The following FAM186B variants were observed in gnomAD, a reference collection of about 807,000 sequenced individuals.
FAM186B encodes the protein protein FAM186B.
A neutral mutation model predicts 83.4 loss-of-function variants in FAM186B; 68 were observed. The observed-to-expected ratio is 0.81, with a 90% CI of 0.67 to 1.00. The LOEUF is 1.00. Ranked by LOEUF, FAM186B falls within the 50% of genes least tolerant of loss-of-function variation. The pLI is 0.00. For synonymous variants in FAM186B, 389 were observed against 422.0 expected (o/e 0.92, Z 0.96); for missense variants, 983 against 1,099.2 (o/e 0.89, Z 1.49).
intron 1 of FAM186B, 102 bp downstream of exon 1, chr12:49,605,280 C>T (rs1939987987): frequency 1.3e-6 from 2 of 1,545,212 alleles, no homozygotes; most frequent in African/African-American, 2.7e-5. Flanking sequence ...ATCCCAGGGC[C>T]TCTGAGGACC....
At chr12:49,588,646 A>C in intron 5 of FAM186B, 23 bp from the exon 6 acceptor site, 1 of 1,544,556 alleles carries the variant, frequency 6.5e-7, no homozygotes, top group East Asian at 2.3e-5. Flanking sequence ...GCAGAGAGGC[A>C]TCAGGGAAAC....
Position 49,601,029 on chromosome 12 carries a change from G to A in FAM186B, c.611C>T (p.Thr204Ile), listed in dbSNP as rs1196633242. 1.5e-5 allele frequency: 25 copies of A among 1,614,178 alleles called. No individual in the cohort carries two copies. The highest frequency in any genetic ancestry group is 2.0e-5 in the Non-Finnish European group (24 of 1,180,018). ...SPEQMLQDQH[T>I]MNTKASEVTS... ...CACCTCCGAGGCCTTCGTGTTCATG[G>A]TATGCTGGTCCTGGAGCATCTGTTC... Residue 204 changes from threonine to isoleucine, a missense_variant, in exon 4 of 7, where the codon ACC becomes ATC. Coordinates refer to ENST00000257894, the MANE Select transcript of FAM186B (RefSeq NM_032130.3).
At position 49,600,621 on chromosome 12, in the gene FAM186B, C is replaced by G. The variant is rs766072745; in HGVS notation, c.1019G>C (p.Gly340Ala). The G allele has an allele frequency of 6.2e-7, 1 of 1,613,202 alleles. No homozygotes were observed. The highest frequency in any genetic ancestry group is 1.3e-5 in the African/African-American group (1 of 75,036). The change falls in exon 4 of 7, where the codon GGT becomes GCT. Residue 340 changes from glycine to alanine, a missense_variant. Coordinates refer to ENST00000257894, the MANE Select transcript of FAM186B (RefSeq NM_032130.3). This position sits in a 1 kb window ranked among gnomAD's most constrained non-coding sequence, Gnocchi z 4.3. ...DLAEVSVDSP[G>A]PSERETLPRK... ...TGGGAGGGTCTCTCTCTCAGAGGGA[C>G]CTGGGGAGTCAACAGAAACCTCAGC...
chr12:49,620,063 CTTCT>C, the FAM186B span, among the ~76,000 whole-genome samples: 1 of 152,074 alleles, frequency 6.6e-6, no homozygotes, highest in African/African-American at 2.4e-5. Context: ...GAATACTGGC[CTTCT>C]TTCTTGCAGG....
chr12:49,600,513 A>G lies in FAM186B; in HGVS notation c.1127T>C (p.Met376Thr), dbSNP rs1939859587. The G allele has an allele frequency of 6.2e-7, 1 of 1,613,954 alleles. No homozygotes were observed. The highest frequency in any genetic ancestry group is 1.3e-5 in the African/African-American group (1 of 75,026). Residue 376 changes from methionine (M) to threonine (T), a missense_variant, in exon 4 of 7, where the codon ATG (methionine) becomes ACG (threonine). Physicochemically the swap from Met to Thr is moderately conservative, Grantham distance 81 (BLOSUM62 -1). Transcript: ENST00000257894. The surrounding 1 kb of genome is among the most constrained non-coding windows in gnomAD (Gnocchi z 4.3). ...AGCACCACTGTCCCGTATCATGGCC[A>G]TGGGACTTGGGGGAAGTGGCGAGAA... ...QLFSPLPPSP[M>T]AMIRDSGAIA...
chr12:49,605,974 G>T (rs1307698855), upstream of FAM186B, among the ~76,000 whole-genome samples: 1 of 151,560 alleles, frequency 6.6e-6, no homozygotes, highest in Non-Finnish European at 1.5e-5. Context: ...GTGTTAGCGA[G>T]GATGGTCTCG....
intron 5 of FAM186B, chr12:49,595,617 A>AT: frequency 2.4e-6 from 1 of 413,294 alleles, no homozygotes; most frequent in Non-Finnish European, 4.9e-6. Context: ...TGAGTTTGTG[A>AT]TTACAATTGT....
upstream of FAM186B, among the ~76,000 whole-genome samples, chr12:49,607,499 C>A (rs896572238): frequency 1.3e-5 from 2 of 151,822 alleles, no homozygotes; most frequent in Non-Finnish European, 2.9e-5. Flanking sequence ...TTTGAATATC[C>A]GTAAATCTAC....
upstream of FAM186B, among the ~76,000 whole-genome samples, chr12:49,610,143 A>G (rs1256034090): frequency 3.7e-5 from 5 of 136,242 alleles, no homozygotes; most frequent in Admixed American, 7.2e-5. Context: ...GGGAAGGTGG[A>G]AAAAAAAAAA....
chr12:49,609,353 C>T (rs911381583), upstream of FAM186B, among the ~76,000 whole-genome samples: 2 of 152,190 alleles, frequency 1.3e-5, no homozygotes, highest in African/African-American at 4.8e-5. Flanking sequence ...CTGAGCTGCC[C>T]TATCCTTCCT....
rs375969933 is a variant in FAM186B at position 49,596,203 on chromosome 12, TTC to T, written c.2364+2550_2364+2551del. On this transcript the variant is annotated intron_variant, in intron 5 of 6. Transcript: ENST00000257894. ...CAACCTACAAAGTGTGTCTGTACAT[TTC>T]TTTTTTTTAATAAGCCTTGTTTGCA... Among the ~76,000 whole-genome samples the T allele has an allele frequency of 6.0e-4, 92 of 152,186 alleles. No homozygotes were observed. In the East Asian group the frequency reaches 0.011, roughly 18 times the overall value.
At chr12:49,587,458 A>C, downstream of FAM186B, 2 of 1,126,044 alleles carry the variant, frequency 1.8e-6, no homozygotes, top group Non-Finnish European at 2.6e-6. Context: ...CAAAGGAACC[A>C]GGTTAGCCTC....
At position 49,588,447 on chromosome 12, in the gene FAM186B, A is replaced by G; in HGVS notation, c.2534+7T>C. The G allele has an allele frequency of 6.2e-7, 1 of 1,608,468 alleles. No individual in the cohort carries two copies. Among genetic ancestry groups the G allele is most frequent in the Non-Finnish European group, 8.5e-7 (1 of 1,176,538 alleles). On this transcript the variant is annotated splice_region_variant and intron_variant, in intron 6 of 6. Coordinates refer to ENST00000257894, the MANE Select transcript of FAM186B (RefSeq NM_032130.3). The stretch of plus-strand genomic sequence containing the variant: ...AGCTGCTGCCCCCTCAGCTTCCCAG[A>G]ACCTACCGGGCCATCTGCAGGGGCA...
intron 5 of FAM186B, among the ~76,000 whole-genome samples, chr12:49,593,916 C>T (rs1939648875): frequency 6.6e-6 from 1 of 152,068 alleles, no homozygotes; most frequent in African/African-American, 2.4e-5. Context: ...ACCTATAAAA[C>T]TGAAATAAAT....
chr12:49,584,871 A>G (rs1016140952), downstream of FAM186B, among the ~76,000 whole-genome samples: 4 of 151,134 alleles, frequency 2.6e-5, no homozygotes, highest in Non-Finnish European at 5.9e-5. Context: ...CTTCCCACCC[A>G]TCCATGTTTC....
chr12:49,616,519 T>C, the FAM186B span, among the ~76,000 whole-genome samples: 1 of 152,230 alleles, frequency 6.6e-6, no homozygotes. Context: ...GTCCGTGTGA[T>C]GAAATATACC....
Position 49,600,320 on chromosome 12 carries a change from T to C in FAM186B, c.1320A>G (p.Lys440=). ...GGAAGTAGTCCTCCTGGTCTTTGTC[T>C]TTGTGGCCTAAGCTTTCTGCCACCG... The part of the protein sequence containing the change: ...ERPVAESLGH[K]DKDQEDYFQK... The change falls in exon 4 of 7, where the codon AAA becomes AAG. Residue 440 remains lysine, a synonymous_variant. Coordinates refer to ENST00000257894, the MANE Select transcript of FAM186B (RefSeq NM_032130.3). The surrounding 1 kb of genome is among the most constrained non-coding windows in gnomAD (Gnocchi z 4.3). 1 of 1,614,196 alleles carries C rather than the reference T, an allele frequency of 6.2e-7. No homozygotes were observed. Among genetic ancestry groups the C allele is most frequent in the Non-Finnish European group, 8.5e-7 (1 of 1,180,026 alleles).
intron 3 of FAM186B, 67 bp downstream of exon 3, chr12:49,603,118 G>C: frequency 6.4e-7 from 1 of 1,561,148 alleles, no homozygotes; most frequent in Non-Finnish European, 8.8e-7. Flanking sequence ...CCCAGCCTCT[G>C]ACTTCCCCTG....
the FAM186B span, among the ~76,000 whole-genome samples, chr12:49,611,491 T>C: frequency 1.3e-5 from 2 of 150,498 alleles, no homozygotes; most frequent in African/African-American, 2.5e-5. Context: ...GAGGCTGAGA[T>C]TGCAGTGAAT....
Sources: gnomAD v4.1 joint callset for allele counts (sites outside exome capture counted in the v4.1 genomes callset) on GRCh38, gnomAD v4.1.1 for gene constraint, Gnocchi (gnomAD v3.1) non-coding constraint, MANE v1.5 for transcripts, NCBI Gene and HGNC (gene_info 2026-07-23, HGNC 2026-07-21) for gene names.